The following SLC30A9 variants were observed in gnomAD, a reference collection of about 807,000 sequenced individuals.
SLC30A9 encodes solute carrier family 30 member 9.
Under a neutral mutation model 87.5 loss-of-function variants are expected in SLC30A9, and 58 were observed. The ratio of observed to expected loss-of-function variants is 0.66; its 90% CI spans 0.54 to 0.82. The LOEUF (loss-of-function observed/expected upper bound fraction) is 0.82. Among genes scored for constraint, SLC30A9 ranks in the 40% least tolerant of loss-of-function variants. The pLI is 0.00. For synonymous variants in SLC30A9, 234 were observed against 233.0 expected (o/e 1.00, Z -0.04); for missense variants, 557 against 679.1 (o/e 0.82, Z 2.00).
intron 1 of SLC30A9, among the ~76,000 whole-genome samples, chr4:41,996,886 TAGTC>T (rs1406000870): frequency 6.6e-6 from 1 of 151,540 alleles, no homozygotes; most frequent in African/African-American, 2.4e-5. Flanking sequence ...ATACAAAAAT[TAGTC>T]AGGCGTGGTG....
intron 11 of SLC30A9, among the ~76,000 whole-genome samples, chr4:42,064,529 AAAAC>A (rs1483963126): frequency 1.3e-5 from 2 of 152,346 alleles, no homozygotes; most frequent in East Asian, 1.9e-4. Context: ...TCATATAATT[AAAAC>A]AAACAAATGT....
At position 42,070,563 on chromosome 4, in the gene SLC30A9, GGGCACCTTATTA is replaced by G; in HGVS notation, c.1295_1306del (p.Thr432_Gly435del). The G allele has an allele frequency of 6.2e-7, 1 of 1,613,584 alleles. No homozygotes were observed. Among genetic ancestry groups the G allele is most frequent in the Non-Finnish European group, 8.5e-7 (1 of 1,179,742 alleles). On this transcript the variant is annotated inframe_deletion, in exon 15 of 18. Coordinates refer to ENST00000264451, the MANE Select transcript of SLC30A9 (RefSeq NM_006345.4). ...ATGACAGCCTAGGTTCTTTGGGTGTGGGCACCTTATTAGGCATGGTCTCAGCATTCCTCATCT... is the reference window on the plus strand; with the variant it reads ...ATGACAGCCTAGGTTCTTTGGGTGTGGGCATGGTCTCAGCATTCCTCATCT...
At chr4:42,023,230 AT>A (rs1716049175) in intron 5 of SLC30A9, 71 bp from the exon 6 acceptor site, 2 of 1,019,014 alleles carry the variant, frequency 2.0e-6, no homozygotes, top group Admixed American at 3.7e-5. Flanking sequence ...TCATTAGAGA[AT>A]TTAGATTTAA....
chr4:42,050,901 T>G (rs1424537765), intron 9 of SLC30A9, among the ~76,000 whole-genome samples: 1 of 152,160 alleles, frequency 6.6e-6, no homozygotes, highest in Non-Finnish European at 1.5e-5. Flanking sequence ...GTTCAGGGTG[T>G]CTGAGGTGGC....
At chr4:42,045,823 A>G (rs921160943) in intron 8 of SLC30A9, among the ~76,000 whole-genome samples, 1 of 152,190 alleles carries the variant, frequency 6.6e-6, no homozygotes, top group Non-Finnish European at 1.5e-5. Context: ...GAAATCCTCA[A>G]TAAAATACTG....
chr4:42,065,453 T>C lies in SLC30A9; in HGVS notation c.1072+104T>C, dbSNP rs986614284. 3 of 719,586 alleles carry C rather than the reference T, an allele frequency of 4.2e-6. No individual in the cohort carries two copies. The African/African-American group carries it at 5.3e-5, about 13-fold the overall frequency. The allele number at this position is 719,586 out of a possible 1,614,324, so 44.6% of individuals were successfully genotyped here. A position where few individuals can be genotyped will look rare whatever the true frequency, so the allele number is the denominator to read the frequency against. On this transcript the variant is annotated intron_variant, in intron 12 of 17. Transcript: ENST00000264451. ...GTTCTGTTGATTAAAGAAAAGCAAG[T>C]GTGGGAATAGGCATCTAAGCTTTCT... is the stretch of plus-strand genomic sequence containing the variant.
At chr4:42,056,968 A>G (rs1043717235) in intron 9 of SLC30A9, among the ~76,000 whole-genome samples, 1 of 152,166 alleles carries the variant, frequency 6.6e-6, no homozygotes, top group African/African-American at 2.4e-5. Flanking sequence ...CAATTCGTAA[A>G]GCTCCAAAAT....
intron 4 of SLC30A9, chr4:42,020,781 G>T (rs1715914482): frequency 7.0e-6 from 2 of 287,466 alleles, no homozygotes; most frequent in Non-Finnish European, 1.3e-5. Context: ...CATCACACAA[G>T]AATCTTAGGA....
At chr4:42,055,143 G>A (rs2153139131) in intron 9 of SLC30A9, among the ~76,000 whole-genome samples, 1 of 152,084 alleles carries the variant, frequency 6.6e-6, no homozygotes, top group African/African-American at 2.4e-5. Flanking sequence ...GACCAACATG[G>A]CAAAACCCCG....
chr4:42,060,337 C>A (rs1717795727), intron 10 of SLC30A9, 91 bp downstream of exon 10: 5 of 967,816 alleles, frequency 5.2e-6, no homozygotes, highest in South Asian at 4.0e-5. Flanking sequence ...ATTTATGTAC[C>A]TGCAGTTTGT....
chr4:42,055,050 A>G (rs1228385707), intron 9 of SLC30A9, among the ~76,000 whole-genome samples: 2 of 151,820 alleles, frequency 1.3e-5, no homozygotes, highest in African/African-American at 4.8e-5. Flanking sequence ...AGGGCCGGGC[A>G]TGGTGGCTCA....
intron 8 of SLC30A9, among the ~76,000 whole-genome samples, chr4:42,047,565 A>C (rs558850817): frequency 1.3e-5 from 2 of 152,342 alleles, no homozygotes; most frequent in South Asian, 4.1e-4. Flanking sequence ...CGATCATTTA[A>C]AAGTCAGGAA....
chr4:42,029,224 G>A, intron 6 of SLC30A9: 2 of 428,456 alleles, frequency 4.7e-6, no homozygotes, highest in South Asian at 3.9e-5. Context: ...CTGCAGGAAA[G>A]CCAATGAGGA....
chr4:42,055,056 G>A (rs1247062977), intron 9 of SLC30A9, among the ~76,000 whole-genome samples: 1 of 151,910 alleles, frequency 6.6e-6, no homozygotes, highest in Admixed American at 6.6e-5. Context: ...GGGCATGGTG[G>A]CTCATGCCTG....
chr4:41,999,923 T>G (rs1157739280), intron 1 of SLC30A9, among the ~76,000 whole-genome samples: 2 of 152,162 alleles, frequency 1.3e-5, no homozygotes. Context: ...GAAATATTTA[T>G]GGATGAAATT....
chr4:42,084,756 C>T (rs962378361), intron 17 of SLC30A9, among the ~76,000 whole-genome samples: 8 of 152,220 alleles, frequency 5.3e-5, no homozygotes, highest in Non-Finnish European at 7.3e-5. Flanking sequence ...CAGGCGTGAG[C>T]CACCGCGCCC....
At chr4:42,067,314 C>CA (rs11409064) in intron 14 of SLC30A9, 122 bp downstream of exon 14, 492,575 of 649,494 alleles carry the variant, frequency 0.76, 195,154 homozygotes, top group East Asian at 0.97. Flanking sequence ...ATGTTAATTC[C>CA]TACTAATCAT....
At position 42,066,441 on chromosome 4, in the gene SLC30A9, A is replaced by C. The variant is rs925642790; in HGVS notation, c.1073-109A>C. On this transcript the variant is annotated intron_variant, in intron 12 of 17. Coordinates refer to ENST00000264451, the MANE Select transcript of SLC30A9 (RefSeq NM_006345.4). The stretch of plus-strand genomic sequence containing the variant: ...TAACATAGAACTTGTCCTTATTGCC[A>C]ACCCTAGTTTTAAAATGTTGTGCTT... 11 of 586,048 alleles carry C rather than the reference A, an allele frequency of 1.9e-5. No homozygotes were observed. The Admixed American group carries it at 3.5e-4, about 18-fold the overall frequency. 36.3% of individuals were successfully genotyped at this position (586,048 alleles called of 1,614,324 possible). A position where few individuals can be genotyped will look rare whatever the true frequency, so the allele number is the denominator to read the frequency against.
chr4:42,044,101 A>G (rs1389562704), intron 8 of SLC30A9, among the ~76,000 whole-genome samples: 1 of 152,216 alleles, frequency 6.6e-6, no homozygotes, highest in African/African-American at 2.4e-5. Context: ...GCCACTGCAA[A>G]AACATACCAA....
Sources: allele counts gnomAD v4.1 joint callset (sites outside exome capture counted in the v4.1 genomes callset), GRCh38; gene constraint gnomAD v4.1.1; transcripts MANE v1.5; gene names NCBI Gene and HGNC (gene_info 2026-07-23, HGNC 2026-07-21).